ANKRD44: variants seen among roughly 807,000 people sequenced by gnomAD.
The protein encoded by ANKRD44 is serine/threonine-protein phosphatase 6 regulatory ankyrin repeat subunit B.
In ANKRD44, 35 loss-of-function variants were observed where a neutral mutation model predicts 116.0. The ratio of observed to expected loss-of-function variants is 0.30; its 90% CI spans 0.23 to 0.40. The LOEUF (loss-of-function observed/expected upper bound fraction) is 0.40. Ranked by LOEUF, ANKRD44 falls within the 10% of genes least tolerant of loss-of-function variation. ANKRD44 has a pLI of 1.00. For synonymous variants in ANKRD44, 435 were observed against 461.8 expected, an observed-to-expected ratio of 0.94 and a Z score of 0.74; for missense variants, 1,014 against 1,242.6, an observed-to-expected ratio of 0.82 and a Z score of 2.77.
chr2:197,157,465 AG>A (rs371497678), intron 2 of ANKRD44, among the ~76,000 whole-genome samples: 103 of 152,260 alleles, frequency 6.8e-4, no homozygotes, highest in Admixed American at 1.3e-3. Flanking sequence ...ACCTGAGGTC[AG>A]GAGTTCGAGA....
chr2:197,158,515 T>C (rs982212844), intron 2 of ANKRD44, among the ~76,000 whole-genome samples: 1 of 152,112 alleles, frequency 6.6e-6, no homozygotes, highest in Non-Finnish European at 1.5e-5. Context: ...AAGAATAACA[T>C]AATCATCTGG....
chr2:197,162,493 T>C (rs899480207), intron 2 of ANKRD44, among the ~76,000 whole-genome samples: 2 of 152,210 alleles, frequency 1.3e-5, no homozygotes, highest in Non-Finnish European at 2.9e-5. Flanking sequence ...GACGGAAATG[T>C]AGAAGTGTGA....
chr2:196,990,712 T>C (rs1297670557), intron 27 of ANKRD44: 2 of 1,232,092 alleles, frequency 1.6e-6, no homozygotes. Flanking sequence ...TCATTTTCAT[T>C]GTACCCATCC....
intron 1 of ANKRD44, among the ~76,000 whole-genome samples, chr2:197,276,821 C>A (rs1353533332): frequency 2.0e-5 from 3 of 152,064 alleles, no homozygotes; most frequent in Non-Finnish European, 4.4e-5. Context: ...AAACTGGGGT[C>A]TGAGGCCCAC....
chr2:197,064,014 A>T (rs7422643), intron 16 of ANKRD44, among the ~76,000 whole-genome samples: 108,998 of 151,512 alleles, frequency 0.72, 40,602 homozygotes, highest in East Asian at 0.86. Context: ...TTCACCAAAG[A>T]TGAAATGAAG....
chr2:196,996,529 T>C (rs1385613340), intron 25 of ANKRD44, among the ~76,000 whole-genome samples: 1 of 152,180 alleles, frequency 6.6e-6, no homozygotes, highest in Non-Finnish European at 1.5e-5. Context: ...ATTTTAGAAA[T>C]GTCCATGGAG....
chr2:197,284,611 C>A (rs545538086), intron 1 of ANKRD44, among the ~76,000 whole-genome samples: 2 of 151,794 alleles, frequency 1.3e-5, no homozygotes, highest in Non-Finnish European at 2.9e-5. Flanking sequence ...TAGAGCCAGG[C>A]GTGGTGGCTC....
intron 2 of ANKRD44, among the ~76,000 whole-genome samples, chr2:197,162,934 G>T (rs111562775): frequency 0.04 from 6,088 of 152,282 alleles, 147 homozygotes; most frequent in Middle Eastern, 0.075. Context: ...ATAAGAAAAG[G>T]GTCTGCCTAT....
At chr2:197,230,209 C>A (rs2081825662) in intron 1 of ANKRD44, among the ~76,000 whole-genome samples, 1 of 152,124 alleles carries the variant, frequency 6.6e-6, no homozygotes, top group East Asian at 1.9e-4. Context: ...TTCCCCAGAG[C>A]ACCATAAACC....
intron 21 of ANKRD44, among the ~76,000 whole-genome samples, chr2:196,977,174 T>C (rs964093455): frequency 6.6e-6 from 1 of 152,114 alleles, no homozygotes; most frequent in African/African-American, 2.4e-5. Flanking sequence ...AAGAAAGACT[T>C]AAAATAAATG....
chr2:197,231,149 G>A (rs114477494), intron 1 of ANKRD44, among the ~76,000 whole-genome samples: 11 of 152,300 alleles, frequency 7.2e-5, no homozygotes, highest in South Asian at 2.1e-4. Flanking sequence ...AGGGCTGGGC[G>A]TGATGGCTTA....
intron 1 of ANKRD44, among the ~76,000 whole-genome samples, chr2:197,207,262 T>C (rs919964613): frequency 2.6e-5 from 4 of 152,150 alleles, no homozygotes; most frequent in African/African-American, 9.7e-5. Context: ...AATAACTCCA[T>C]TCAGGTTGCA....
chr2:197,111,785 GA>G (rs976704143), intron 8 of ANKRD44, among the ~76,000 whole-genome samples: 4 of 145,986 alleles, frequency 2.7e-5, no homozygotes, highest in Non-Finnish European at 4.6e-5. Context: ...GAAAAAAACA[GA>G]AAAAAACAAA....
At chr2:197,057,939 G>A (rs2077235178) in intron 16 of ANKRD44, among the ~76,000 whole-genome samples, 1 of 152,146 alleles carries the variant, frequency 6.6e-6, no homozygotes, top group Non-Finnish European at 1.5e-5. Context: ...ATGGAAATAT[G>A]TCTAGGGGTT....
chr2:197,290,163 G>T (rs2083521068), intron 1 of ANKRD44, among the ~76,000 whole-genome samples: 2 of 152,148 alleles, frequency 1.3e-5, no homozygotes, highest in Admixed American at 1.3e-4. Flanking sequence ...GAATAGGTGG[G>T]GCACTGTGGC....
intron 1 of ANKRD44, among the ~76,000 whole-genome samples, chr2:197,269,926 A>G (rs1435191359): frequency 6.6e-6 from 1 of 152,188 alleles, no homozygotes; most frequent in Non-Finnish European, 1.5e-5. Flanking sequence ...CAGAGGCATG[A>G]AACAGCATGT....
chr2:196,989,780 A>AC, intron 27 of ANKRD44, 131 bp from the exon 28 acceptor site: 1 of 1,475,092 alleles, frequency 6.8e-7, no homozygotes, highest in South Asian at 1.3e-5. Context: ...TTTTGCAGTC[A>AC]CACTTTTCAC....
intron 1 of ANKRD44, among the ~76,000 whole-genome samples, chr2:197,221,859 G>A (rs1410038424): frequency 6.6e-6 from 1 of 152,178 alleles, no homozygotes; most frequent in Non-Finnish European, 1.5e-5. Flanking sequence ...GAGGCAACCT[G>A]GAGTCACAGA....
At chr2:197,240,663 C>G (rs1261954016) in intron 1 of ANKRD44, among the ~76,000 whole-genome samples, 1 of 150,594 alleles carries the variant, frequency 6.6e-6, no homozygotes, top group East Asian at 1.9e-4. Flanking sequence ...AGTTTAGATT[C>G]AGTGTCTCTA....
Sources: gnomAD v4.1 joint callset for allele counts (sites outside exome capture counted in the v4.1 genomes callset) on GRCh38, gnomAD v4.1.1 for gene constraint, MANE v1.5 for transcripts, NCBI Gene and HGNC (gene_info 2026-07-23, HGNC 2026-07-21) for gene names.